KDR: variants seen among roughly 807,000 people sequenced by gnomAD.
KDR encodes kinase insert domain receptor.
A neutral mutation model predicts 160.9 loss-of-function variants in KDR; 43 were observed. That is an observed-to-expected ratio of 0.27 (90% CI 0.21 to 0.34). The LOEUF (loss-of-function observed/expected upper bound fraction) is 0.34, where lower values mean the gene tolerates loss of function less well. Among genes scored for constraint, KDR ranks in the 10% least tolerant of loss-of-function variants. The pLI, the probability that KDR is intolerant of heterozygous loss-of-function variation, is 1.00. For synonymous variants in KDR, 617 were observed against 600.1 expected (o/e 1.03, Z -0.41); for missense variants, 1,469 against 1,666.4 (o/e 0.88, Z 2.06).
chr4:55,107,548 G>T (rs928317671), intron 10 of KDR, among the ~76,000 whole-genome samples, 189 bp downstream of exon 10: 2 of 152,114 alleles, frequency 1.3e-5, no homozygotes, highest in African/African-American at 4.8e-5. Flanking sequence ...AACCCCAAAG[G>T]AGGATACTCC....
At chr4:55,092,456 TACTC>T in intron 22 of KDR, 157 bp downstream of exon 22, 2 of 678,784 alleles carry the variant, frequency 2.9e-6, no homozygotes, top group Non-Finnish European at 5.4e-6. Flanking sequence ...TAACCACTCT[TACTC>T]AGCAGAAACA....
At position 55,102,456 on chromosome 4, in the gene KDR, A is replaced by T. The variant is rs768199296; in HGVS notation, c.2040T>A (p.Ile680=). 6.2e-7 allele frequency: 1 copy of T among 1,613,748 alleles called. No individual in the cohort carries two copies. Among genetic ancestry groups the T allele is most frequent in the African/African-American group, 1.3e-5 (1 of 75,006 alleles). The change falls in exon 14 of 30, where the codon ATT becomes ATA. Residue 680 remains isoleucine (I), a synonymous_variant. Coordinates refer to ENST00000263923, the MANE Select transcript of KDR (RefSeq NM_002253.4). The part of the protein sequence containing the change: ...TGNLENQTTS[I]GESIEVSCTA... Reference sequence around the variant, plus strand: ...TGCATGAGACTTCGATGCTTTCCCCAATACTTGTCGTCTGATTCTCCAGGT... The same window carrying T: ...TGCATGAGACTTCGATGCTTTCCCCTATACTTGTCGTCTGATTCTCCAGGT...
chr4:55,113,124 T>C (rs1043197487), intron 7 of KDR, among the ~76,000 whole-genome samples, 180 bp downstream of exon 7: 2 of 152,256 alleles, frequency 1.3e-5, no homozygotes, highest in African/African-American at 2.4e-5. Flanking sequence ...AGTTGAGGTT[T>C]GAACCCAAGT....
chr4:55,120,014 G>A (rs553348597), intron 2 of KDR, among the ~76,000 whole-genome samples: 43 of 152,194 alleles, frequency 2.8e-4, no homozygotes, highest in African/African-American at 9.9e-4. Context: ...TGGGATCCTT[G>A]GGGATTTCAA....
At chr4:55,123,692 G>A (rs1223734706) in intron 1 of KDR, among the ~76,000 whole-genome samples, 2 of 152,296 alleles carry the variant, frequency 1.3e-5, no homozygotes, top group Middle Eastern at 6.8e-3. Flanking sequence ...AGAAATAACT[G>A]TAAGAGGTAC....
At chr4:55,124,837 T>A (rs1479815573) in intron 1 of KDR, among the ~76,000 whole-genome samples, 2 of 152,096 alleles carry the variant, frequency 1.3e-5, no homozygotes, top group African/African-American at 4.8e-5. Context: ...GGGCCCGGAC[T>A]AGGATGTTGC....
In KDR at chr4:55,114,228, A is replaced by G. The variant is rs774749700; in HGVS notation, c.696T>C (p.His232=). The G allele has an allele frequency of 1.2e-6, 2 of 1,613,998 alleles. No individual in the cohort carries two copies. The highest frequency in any genetic ancestry group is 1.6e-4 in the Middle Eastern group (1 of 6,062). ...RIYDVVLSPS[H]GIELSVGEKL... ...TTTCTCCAACAGATAGTTCAATTCC[A>G]TGAGACGGACTCAGAACCACATCAT... The change falls in exon 6 of 30, where the codon CAT becomes CAC. Residue 232 remains histidine (H), a synonymous_variant. Coordinates refer to ENST00000263923, the MANE Select transcript of KDR (RefSeq NM_002253.4).
chr4:55,079,859 G>A lies in KDR; in HGVS notation c.*82C>T. On this transcript the variant is annotated 3_prime_UTR_variant, in exon 30 of 30. Transcript: ENST00000263923. ...TGAAAATCAAATGCGGCTACTTCCT[G>A]CTGGTGGAAAGAACAACACTTGAAA... The A allele has an allele frequency of 8.0e-7, 1 of 1,248,756 alleles. No homozygotes were observed. The highest frequency in any genetic ancestry group is 1.2e-6 in the Non-Finnish European group (1 of 847,918). The allele number at this position is 1,248,756 out of a possible 1,614,324, so 77.4% of individuals were successfully genotyped here. A position where few individuals can be genotyped will look rare whatever the true frequency, so the allele number is the denominator to read the frequency against.
chr4:55,100,608 A>G (rs1335051557), intron 15 of KDR, among the ~76,000 whole-genome samples: 2 of 152,234 alleles, frequency 1.3e-5, no homozygotes, highest in Non-Finnish European at 2.9e-5. Context: ...GCCCTAAAAC[A>G]TGAATCACTT....
At chr4:55,113,572 G>T in intron 6 of KDR, 91 bp from the exon 7 acceptor site, 3 of 1,159,304 alleles carry the variant, frequency 2.6e-6, no homozygotes, top group Non-Finnish European at 3.8e-6. Context: ...TCTGGGCTTT[G>T]GTAAACATTA....
intron 20 of KDR, 103 bp downstream of exon 20, chr4:55,095,474 T>C: frequency 1.2e-6 from 1 of 816,582 alleles, no homozygotes; most frequent in South Asian, 1.4e-5. Context: ...AGAAGATTCC[T>C]CACAAGTTCT....
Position 55,079,726 on chromosome 4 carries a change from T to C in KDR, c.*215A>G. On this transcript the variant is annotated 3_prime_UTR_variant, in exon 30 of 30. Transcript: ENST00000263923. ...TAAATGAATGAAAAAGAGGATCAGG[T>C]CAACACTGGGAGAAGACACAGACAC... 1 of 607,432 alleles carries C rather than the reference T, an allele frequency of 1.6e-6. No individual in the cohort carries two copies. 37.6% of individuals were successfully genotyped at this position (607,432 alleles called of 1,614,324 possible).
rs1419103501 is a variant in KDR at position 55,113,427 on chromosome 4, T to C, written c.853A>G (p.Met285Val). ...RDLKTQSGSE[M>V]KKFLSTLTID... ...GTTAAGGTGCTCAAAAATTTCTTCA[T>C]CTCACTCCCAGACTGGGTTTTTAGG... Residue 285 changes from methionine to valine, a missense_variant, in exon 7 of 30, where the codon ATG (methionine) becomes GTG (valine). Met to Val is a conservative substitution (Grantham distance 21). Coordinates refer to ENST00000263923, the MANE Select transcript of KDR (RefSeq NM_002253.4). The C allele has an allele frequency of 6.2e-7, 1 of 1,614,018 alleles. No individual in the cohort carries two copies. The highest frequency in any genetic ancestry group is 8.5e-7 in the Non-Finnish European group (1 of 1,179,966).
chr4:55,109,267 G>A (rs1720516068), intron 9 of KDR, among the ~76,000 whole-genome samples: 1 of 152,062 alleles, frequency 6.6e-6, no homozygotes. Flanking sequence ...ATTTTTAGTA[G>A]AGACGGGTTT....
In KDR at chr4:55,118,573, C is replaced by T. The variant is rs201063638; in HGVS notation, c.358+31G>A. 406 of 1,537,912 alleles carry T rather than the reference C, an allele frequency of 2.6e-4. 3 individuals carry two copies. The East Asian group carries it at 7.9e-3, about 30-fold the overall frequency. On this transcript the variant is annotated intron_variant, in intron 3 of 29. Transcript: ENST00000263923. ...TTGTCTTTTATAACTGGTAAAGAGA[C>T]GTGGGAAATGAATTTTATTTCACCA...
rs773794576 is a variant in KDR at position 55,088,889 on chromosome 4, G to A, written c.3489C>T (p.Leu1163=). 7 of 1,613,952 alleles carry A rather than the reference G, an allele frequency of 4.3e-6. No individual in the cohort carries two copies. Among genetic ancestry groups the A allele is most frequent in the East Asian group, 2.2e-5 (1 of 44,868 alleles). Residue 1163 remains leucine (L), a synonymous_variant, in exon 26 of 30, where the codon CTC becomes CTT. Coordinates refer to ENST00000263923, the MANE Select transcript of KDR (RefSeq NM_002253.4). ...FSELVEHLGN[L]LQANAQQDGK... is the part of the protein sequence containing the mutation. Reference sequence around the variant, plus strand: ...AAACCTGCTGAGCATTAGCTTGCAAGAGATTTCCCAAATGTTCCACCAACT... The same window carrying A: ...AAACCTGCTGAGCATTAGCTTGCAAAAGATTTCCCAAATGTTCCACCAACT...
chr4:55,107,872 T>A lies in KDR; in HGVS notation c.1277A>T (p.Lys426Ile). The A allele has an allele frequency of 6.2e-7, 1 of 1,613,902 alleles. No homozygotes were observed. The highest frequency in any genetic ancestry group is 8.5e-7 in the Non-Finnish European group (1 of 1,179,874). Residue 426 changes from lysine to isoleucine, a missense_variant, in exon 10 of 30, where the codon AAA (lysine) becomes ATA (isoleucine). Lys to Ile is a moderately radical substitution (Grantham distance 102, BLOSUM62 -3). This residue lies in a region of KDR where 792 missense variants were observed against 840.9 expected (regional missense o/e 0.94). Coordinates refer to ENST00000263923, the MANE Select transcript of KDR (RefSeq NM_002253.4). ...VVYVPPQIGE[K>I]SLISPVDSYQ... is the part of the protein sequence containing the mutation. ...GGAATCCACAGGAGAGATTAGAGAT[T>A]TCTCACCAATCTGGGGTGGGACTGA... is the stretch of plus-strand genomic sequence containing the variant.
intron 22 of KDR, chr4:55,092,236 C>T (rs1720035927): frequency 3.4e-6 from 1 of 290,448 alleles, no homozygotes; most frequent in Non-Finnish European, 6.7e-6. Flanking sequence ...GCTTTATTTC[C>T]CCATAGCATT....
intron 7 of KDR, among the ~76,000 whole-genome samples, chr4:55,111,647 C>A (rs573559925): frequency 9.8e-5 from 15 of 152,304 alleles, no homozygotes; most frequent in Non-Finnish European, 2.2e-4. Flanking sequence ...AAAAGTAATT[C>A]TATAAAAACA....
Sources: allele counts gnomAD v4.1 joint callset (sites outside exome capture counted in the v4.1 genomes callset), GRCh38; gene constraint gnomAD v4.1.1; regional missense constraint gnomAD v4.1.1; transcripts MANE v1.5; gene names NCBI Gene and HGNC (gene_info 2026-07-23, HGNC 2026-07-21).